SPIDR: variants seen among roughly 807,000 people sequenced by gnomAD.
SPIDR encodes the protein scaffold protein involved in DNA repair, also known as DNA repair-scaffolding protein.
In SPIDR, 93 loss-of-function variants were observed where a neutral mutation model predicts 104.6. The ratio of observed to expected loss-of-function variants is 0.89; its 90% CI spans 0.75 to 1.06. The LOEUF is 1.06. Among genes scored for constraint, SPIDR ranks in the 50% least tolerant of loss-of-function variants. SPIDR has a pLI of 0.00. For synonymous variants in SPIDR, 431 were observed against 416.9 expected, an observed-to-expected ratio of 1.03 and a Z score of -0.41; for missense variants, 1,154 against 1,111.2, an observed-to-expected ratio of 1.04 and a Z score of -0.55.
chr8:47,469,366 G>A (rs962766529), intron 8 of SPIDR, among the ~76,000 whole-genome samples: 12 of 151,968 alleles, frequency 7.9e-5, no homozygotes, highest in Non-Finnish European at 1.6e-4. Flanking sequence ...CCCATTACTG[G>A]GTATATATAC....
At chr8:47,458,139 T>C (rs2073313247) in intron 8 of SPIDR, among the ~76,000 whole-genome samples, 1 of 152,112 alleles carries the variant, frequency 6.6e-6, no homozygotes, top group Admixed American at 6.6e-5. Context: ...GGTATTTTGA[T>C]GGGAATTGCA....
chr8:47,516,044 C>T (rs559933307), intron 8 of SPIDR, among the ~76,000 whole-genome samples: 3 of 152,352 alleles, frequency 2.0e-5, no homozygotes, highest in East Asian at 3.9e-4. Flanking sequence ...CTCCTGACCT[C>T]GTGATCCGCC....
intron 7 of SPIDR, among the ~76,000 whole-genome samples, chr8:47,427,726 G>A (rs1324880866): frequency 6.6e-6 from 1 of 152,152 alleles, no homozygotes; most frequent in South Asian, 2.1e-4. Context: ...GTGCCCCACA[G>A]TGCAGCCCAC....
intron 4 of SPIDR, among the ~76,000 whole-genome samples, chr8:47,292,845 G>GA (rs2040168979): frequency 6.6e-6 from 1 of 151,990 alleles, no homozygotes; most frequent in African/African-American, 2.4e-5. Context: ...CGAATGGTGT[G>GA]ATGGGCTCTT....
chr8:47,293,297 A>T (rs1003571754), intron 4 of SPIDR, among the ~76,000 whole-genome samples: 5 of 152,206 alleles, frequency 3.3e-5, no homozygotes, highest in Admixed American at 3.3e-4. Flanking sequence ...GAGGAAAAAA[A>T]TAACAATACA....
intron 5 of SPIDR, among the ~76,000 whole-genome samples, chr8:47,327,218 T>C (rs782354808): frequency 1.3e-5 from 2 of 152,162 alleles, no homozygotes; most frequent in Non-Finnish European, 2.9e-5. Context: ...CACTGTTTCA[T>C]GTGGTGGTTG....
chr8:47,500,408 T>G (rs2080200686), intron 8 of SPIDR, among the ~76,000 whole-genome samples: 1 of 152,246 alleles, frequency 6.6e-6, no homozygotes, highest in Non-Finnish European at 1.5e-5. Context: ...GATGAGCATT[T>G]TTTCATGTGT....
At chr8:47,518,949 A>G (rs1168848864) in intron 8 of SPIDR, among the ~76,000 whole-genome samples, 2 of 152,084 alleles carry the variant, frequency 1.3e-5, no homozygotes, top group Non-Finnish European at 2.9e-5. Context: ...GTCTTATGCT[A>G]CTTTTAAAGT....
chr8:47,603,672 A>G (rs2062585742), intron 10 of SPIDR, among the ~76,000 whole-genome samples: 1 of 151,986 alleles, frequency 6.6e-6, no homozygotes, highest in African/African-American at 2.4e-5. Context: ...TACTAGGACT[A>G]CAGGCGTGAG....
At chr8:47,621,199 C>T (rs2065119601) in intron 10 of SPIDR, among the ~76,000 whole-genome samples, 1 of 152,214 alleles carries the variant, frequency 6.6e-6, no homozygotes, top group Non-Finnish European at 1.5e-5. Flanking sequence ...TTGTGATCCG[C>T]CCACCTTGGC....
chr8:47,419,919 T>C (rs558446786), intron 7 of SPIDR, among the ~76,000 whole-genome samples: 3 of 152,316 alleles, frequency 2.0e-5, no homozygotes, highest in Admixed American at 6.5e-5. Context: ...TTCCATGTAG[T>C]TGAGCAGTTT....
chr8:47,302,649 G>A (rs925040271), intron 5 of SPIDR, among the ~76,000 whole-genome samples: 22 of 152,212 alleles, frequency 1.4e-4, no homozygotes, highest in African/African-American at 5.1e-4. Context: ...GTGTTTGTTA[G>A]TTTTCCTTCT....
chr8:47,511,846 T>G, intron 8 of SPIDR: 1 of 857,696 alleles, frequency 1.2e-6, no homozygotes. Context: ...TCCACTTCTC[T>G]CTGAGGCCCC....
chr8:47,599,117 G>A lies in SPIDR; in HGVS notation c.1465G>A (p.Val489Met), dbSNP rs763553205. ...GAGVRVVVQRVYSLPSRDSTR... is the reference protein window; with the variant it reads ...GAGVRVVVQRMYSLPSRDSTR... ...TGGAGTCCGAGTGGTGGTGCAAAGA[G>A]TGTATTCTCTTCCCAGCAGAGACAG... Residue 489 changes from valine (V) to methionine (M), a missense_variant, in exon 10 of 20, where the codon GTG becomes ATG. Physicochemically the swap from Val to Met is conservative, Grantham distance 21. Coordinates refer to ENST00000297423, the MANE Select transcript of SPIDR (RefSeq NM_001080394.4). 6.2e-6 allele frequency: 10 copies of A among 1,613,138 alleles called. No homozygotes were observed. In the East Asian group the frequency reaches 1.8e-4, roughly 29 times the overall value.
chr8:47,578,482 T>A (rs763710298), intron 8 of SPIDR, among the ~76,000 whole-genome samples: 171 of 149,788 alleles, frequency 1.1e-3, no homozygotes, highest in African/African-American at 3.7e-3. Context: ...AAAAAAAAAA[T>A]AATAATAATA....
At chr8:47,516,659 T>C (rs1435987041) in intron 8 of SPIDR, among the ~76,000 whole-genome samples, 2 of 152,246 alleles carry the variant, frequency 1.3e-5, no homozygotes, top group Non-Finnish European at 2.9e-5. Flanking sequence ...ACATTTTTTT[T>C]ATCCATTCAT....
At chr8:47,471,341 AAC>A (rs1170059059) in intron 8 of SPIDR, among the ~76,000 whole-genome samples, 2 of 151,794 alleles carry the variant, frequency 1.3e-5, no homozygotes, top group South Asian at 2.1e-4. Flanking sequence ...AAAAAAAAAA[AAC>A]AGCCCAGTTC....
At position 47,330,848 on chromosome 8, in the gene SPIDR, C is replaced by A. The variant is rs2048541943; in HGVS notation, c.525+36818C>A. On this transcript the variant is annotated intron_variant, in intron 5 of 19. Coordinates refer to ENST00000297423, the MANE Select transcript of SPIDR (RefSeq NM_001080394.4). Reference sequence around the variant, plus strand: ...AAGTTTCCGTGTGGAGATAAACTTTCAACTCCTTTGAGTAGATACCAAGCA... The same window carrying A: ...AAGTTTCCGTGTGGAGATAAACTTTAAACTCCTTTGAGTAGATACCAAGCA... The A allele has an allele frequency of 6.6e-6, 3 of 456,044 alleles. No individual in the cohort carries two copies. The Admixed American group carries it at 7.0e-5, about 11-fold the overall frequency. The allele number at this position is 456,044 out of a possible 1,614,324, so 28.2% of individuals were successfully genotyped here. A position where few individuals can be genotyped will look rare whatever the true frequency, so the allele number is the denominator to read the frequency against.
intron 10 of SPIDR, among the ~76,000 whole-genome samples, chr8:47,647,175 T>A (rs1588776420): frequency 6.6e-6 from 1 of 152,142 alleles, no homozygotes; most frequent in East Asian, 1.9e-4. Context: ...CAACAAATAT[T>A]TATTGTGTGC....
Sources: allele counts gnomAD v4.1 joint callset (sites outside exome capture counted in the v4.1 genomes callset), GRCh38; gene constraint gnomAD v4.1.1; transcripts MANE v1.5; gene names NCBI Gene and HGNC (gene_info 2026-07-23, HGNC 2026-07-21).